MAP2K5: variants seen among roughly 807,000 people sequenced by gnomAD.
MAP2K5 encodes mitogen-activated protein kinase kinase 5.
MAP2K5 carries 49 observed loss-of-function variants against 83.1 expected under a neutral mutation model. That is an observed-to-expected ratio of 0.59 (90% CI 0.47 to 0.75). The LOEUF is 0.75. MAP2K5 is among the 30% of genes least tolerant of loss of function. The pLI is 0.00. For missense variants in MAP2K5, 457 were observed against 557.5 expected (o/e 0.82, Z 1.82); for synonymous variants, 202 against 191.8 (o/e 1.05, Z -0.44).
At chr15:67,803,087 G>T (rs989027239) in intron 21 of MAP2K5, among the ~76,000 whole-genome samples, 2 of 152,230 alleles carry the variant, frequency 1.3e-5, no homozygotes, top group African/African-American at 4.8e-5. Flanking sequence ...GCTGTGTGTG[G>T]GCCACAGTGA....
intron 3 of MAP2K5, among the ~76,000 whole-genome samples, chr15:67,579,389 T>C (rs1164626531): frequency 6.6e-6 from 1 of 152,234 alleles, no homozygotes; most frequent in Admixed American, 6.5e-5. Flanking sequence ...GTTTGAGTAA[T>C]GGCGAGTGCT....
At chr15:67,744,766 C>T (rs1176821182) in intron 17 of MAP2K5, among the ~76,000 whole-genome samples, 1 of 152,228 alleles carries the variant, frequency 6.6e-6, no homozygotes, top group Non-Finnish European at 1.5e-5. Context: ...CAAACTTCTA[C>T]ATTGGCAATT....
At chr15:67,585,092 A>AAT (rs1357794866) in intron 4 of MAP2K5, among the ~76,000 whole-genome samples, 1 of 151,810 alleles carries the variant, frequency 6.6e-6, no homozygotes, top group East Asian at 1.9e-4. Flanking sequence ...AAAAAAAAAA[A>AAT]AAATCAAATT....
chr15:67,800,846 C>T (rs1301900482), intron 21 of MAP2K5, among the ~76,000 whole-genome samples: 1 of 152,126 alleles, frequency 6.6e-6, no homozygotes. Flanking sequence ...CCCTCCTAGC[C>T]CATGCTTGCC....
At position 67,572,627 on chromosome 15, in the gene MAP2K5, T is replaced by G. The variant is rs1027248917; in HGVS notation, c.253-8127T>G. 2.6e-5 allele frequency among the ~76,000 whole-genome samples: 4 copies of G among 152,212 alleles called. No homozygotes were observed. The highest frequency in any genetic ancestry group is 2.6e-4 in the Admixed American group (4 of 15,286). On this transcript the variant is annotated intron_variant, in intron 3 of 21. Transcript: ENST00000178640. The surrounding 1 kb of genome is among the most constrained non-coding windows in gnomAD (Gnocchi z 4.2). ...GATAAAAAAGGATCATGGGGAGATG[T>G]GCTCTGCTACAAGGGTTTGTGATAA... is the stretch of plus-strand genomic sequence containing the variant.
chr15:67,639,950 C>G (rs1479455932), intron 9 of MAP2K5, among the ~76,000 whole-genome samples: 2 of 152,198 alleles, frequency 1.3e-5, no homozygotes, highest in African/African-American at 2.4e-5. Flanking sequence ...CACATATGGT[C>G]TATCTCTCAC....
At position 67,786,017 on chromosome 15, in the gene MAP2K5, TG is replaced by T. The variant is rs913383081; in HGVS notation, c.1242+13266del. Among the ~76,000 whole-genome samples, 30 of 100,408 alleles carry T rather than the reference TG, an allele frequency of 3.0e-4. No homozygotes were observed. Among genetic ancestry groups the T allele is most frequent in the South Asian group, 3.4e-4 (1 of 2,906 alleles). The allele number at this position is 100,408 out of a possible 152,430, so 65.9% of individuals were successfully genotyped here. ...CACAGGGGGCTTTTAGCTGTTAGGT[TG>T]TTTTTTTTTTTTTAACTTACAGAAG... is the stretch of plus-strand genomic sequence containing the variant. On this transcript the variant is annotated intron_variant, in intron 21 of 21. Transcript: ENST00000178640. This position sits in a 1 kb window ranked among gnomAD's most constrained non-coding sequence, Gnocchi z 4.7.
chr15:67,614,944 A>G (rs546877802), intron 8 of MAP2K5, among the ~76,000 whole-genome samples: 2 of 152,150 alleles, frequency 1.3e-5, no homozygotes, highest in East Asian at 3.9e-4. Context: ...AATATCTGTG[A>G]CCTCATAACA....
At chr15:67,701,164 A>T (rs192747163) in intron 15 of MAP2K5, among the ~76,000 whole-genome samples, 26 of 152,230 alleles carry the variant, frequency 1.7e-4, no homozygotes, top group African/African-American at 5.5e-4. Flanking sequence ...GGAAAAAAGG[A>T]CAGGGGTTAG....
chr15:67,727,871 C>T (rs1421371706), intron 16 of MAP2K5, 45 bp from the exon 17 acceptor site: 7 of 1,463,646 alleles, frequency 4.8e-6, no homozygotes, highest in East Asian at 2.3e-5. Flanking sequence ...GAGATCTGCC[C>T]TGCATGCAAA....
intron 8 of MAP2K5, chr15:67,627,908 G>A: frequency 5.3e-6 from 4 of 748,792 alleles, no homozygotes; most frequent in Admixed American, 1.9e-5. Context: ...CTTCATTGGA[G>A]GGCTGAACTT....
intron 8 of MAP2K5, among the ~76,000 whole-genome samples, chr15:67,601,742 C>T (rs2085662918): frequency 2.6e-5 from 4 of 152,178 alleles, no homozygotes; most frequent in Admixed American, 2.6e-4. Context: ...AGGTTCACAT[C>T]CTAAAAATCC....
chr15:67,586,045 T>A (rs1384282210), intron 5 of MAP2K5, 115 bp downstream of exon 5: 1 of 953,230 alleles, frequency 1.0e-6, no homozygotes, highest in Non-Finnish European at 1.7e-6. Context: ...GCGATCCTTT[T>A]ATTTTTTTTA....
At position 67,731,843 on chromosome 15, in the gene MAP2K5, C is replaced by G. The variant is rs149564885; in HGVS notation, c.1074+3898C>G. Among the ~76,000 whole-genome samples, 788 of 152,288 alleles carry G rather than the reference C, an allele frequency of 5.2e-3. 3 individuals are homozygous for G. Among genetic ancestry groups the G allele is most frequent in the African/African-American group, 0.013 (539 of 41,544 alleles). On this transcript the variant is annotated intron_variant, in intron 17 of 21. Coordinates refer to ENST00000178640, the MANE Select transcript of MAP2K5 (RefSeq NM_145160.3). ...TCTCCTTTCCACTCTGCCCCACAAC[C>G]CTTCTTCTAGTTTGCCCTCTCTGCC...
At chr15:67,696,325 T>A (rs2141207221) in intron 15 of MAP2K5, among the ~76,000 whole-genome samples, 1 of 152,326 alleles carries the variant, frequency 6.6e-6, no homozygotes, top group African/African-American at 2.4e-5. Context: ...TATTGGAACA[T>A]GACCACACCC....
At chr15:67,691,288 A>G (rs1415782880) in intron 13 of MAP2K5, among the ~76,000 whole-genome samples, 1 of 152,252 alleles carries the variant, frequency 6.6e-6, no homozygotes, top group Admixed American at 6.5e-5. Flanking sequence ...GTCAGTTATC[A>G]GGCTAACTGA....
intron 16 of MAP2K5, among the ~76,000 whole-genome samples, chr15:67,716,210 G>A (rs1355680745): frequency 5.3e-5 from 8 of 152,210 alleles, no homozygotes; most frequent in Non-Finnish European, 8.8e-5. Flanking sequence ...ACATGGTGAC[G>A]CACACCAGTA....
intron 15 of MAP2K5, among the ~76,000 whole-genome samples, chr15:67,700,508 A>G (rs1365787785): frequency 6.6e-6 from 1 of 152,180 alleles, no homozygotes; most frequent in Non-Finnish European, 1.5e-5. Flanking sequence ...TGTCAACAAC[A>G]TGGTACCTGG....
rs2090698295 is a variant in MAP2K5, at chr15:67,801,099, G to A, written c.1243-5547G>A. ...ACCCTATGGCTCCGCTGGACTGTGA[G>A]ATCCCATCTAGTCCTAACACTCCAT... On this transcript the variant is annotated intron_variant, in intron 21 of 21. Coordinates refer to ENST00000178640, the MANE Select transcript of MAP2K5 (RefSeq NM_145160.3). This position sits in a 1 kb window ranked among gnomAD's most constrained non-coding sequence, Gnocchi z 4.8. 6.6e-6 allele frequency among the ~76,000 whole-genome samples: 1 copy of A among 152,160 alleles called. No individual in the cohort carries two copies. Among genetic ancestry groups the A allele is most frequent in the South Asian group, 2.1e-4 (1 of 4,824 alleles).
Sources: allele counts gnomAD v4.1 joint callset (sites outside exome capture counted in the v4.1 genomes callset), GRCh38; gene constraint gnomAD v4.1.1; non-coding constraint Gnocchi (gnomAD v3.1); transcripts MANE v1.5; gene names NCBI Gene and HGNC (gene_info 2026-07-23, HGNC 2026-07-21).